SNX10: variants seen among roughly 807,000 people sequenced by gnomAD.
SNX10 encodes sorting nexin-10.
In SNX10, 25 loss-of-function variants were observed where a neutral mutation model predicts 28.5. The ratio of observed to expected loss-of-function variants is 0.88; its 90% CI spans 0.64 to 1.22. The LOEUF (loss-of-function observed/expected upper bound fraction) is 1.22, where lower values mean the gene tolerates loss of function less well. Ranked by LOEUF, SNX10 falls within the 50% of genes most tolerant of loss-of-function variation. The pLI, the probability that SNX10 is intolerant of heterozygous loss-of-function variation, is 0.00. For missense variants in SNX10, 223 were observed against 242.6 expected (o/e 0.92, Z 0.54); for synonymous variants, 62 against 81.4 (o/e 0.76, Z 1.28).
At chr7:26,363,052 T>C (rs1789142616) in intron 3 of SNX10, among the ~76,000 whole-genome samples, 1 of 152,190 alleles carries the variant, frequency 6.6e-6, no homozygotes, top group South Asian at 2.1e-4. Flanking sequence ...ACCGGGAAGA[T>C]AACCTGCTCA....
At chr7:26,297,868 T>C (rs1786173358) in intron 1 of SNX10, among the ~76,000 whole-genome samples, 1 of 152,130 alleles carries the variant, frequency 6.6e-6, no homozygotes, top group Non-Finnish European at 1.5e-5. Context: ...ATATATATTA[T>C]AGATATATAT....
At chr7:26,361,243 T>C (rs1789054689) in intron 3 of SNX10, among the ~76,000 whole-genome samples, 182 bp downstream of exon 3, 1 of 152,222 alleles carries the variant, frequency 6.6e-6, no homozygotes, top group Non-Finnish European at 1.5e-5. Context: ...AAATTACTTA[T>C]TTGAATCCCT....
chr7:26,346,578 G>T, intron 2 of SNX10, 112 bp downstream of exon 2: 5 of 819,738 alleles, frequency 6.1e-6, no homozygotes, highest in Admixed American at 1.7e-5. Context: ...TTTCATGAAA[G>T]ACCAAAGGCC....
At chr7:26,323,545 C>T (rs1584116517) in intron 1 of SNX10, among the ~76,000 whole-genome samples, 1 of 152,072 alleles carries the variant, frequency 6.6e-6, no homozygotes, top group African/African-American at 2.4e-5. Flanking sequence ...TGGAAGGAGG[C>T]ACCCAGGAGG....
chr7:26,372,409 TCTC>T (rs1423326513), intron 6 of SNX10, 79 bp from the exon 7 acceptor site: 6 of 868,234 alleles, frequency 6.9e-6, no homozygotes, highest in African/African-American at 5.0e-5. Flanking sequence ...TAATTAAAGT[TCTC>T]CTCTGTTACT....
intron 1 of SNX10, 180 bp downstream of exon 1, chr7:26,292,266 A>C (rs1384354274): frequency 6.6e-6 from 1 of 152,056 alleles, no homozygotes; most frequent in African/African-American, 2.4e-5. Context: ...TTTTCAGCCG[A>C]GGTGTGCCGG....
At chr7:26,359,042 G>T (rs1452140349) in intron 2 of SNX10, among the ~76,000 whole-genome samples, 2 of 151,920 alleles carry the variant, frequency 1.3e-5, no homozygotes, top group Non-Finnish European at 2.9e-5. Flanking sequence ...CCGACCTCTG[G>T]TGATCCACCC....
rs1187021201 is a variant in SNX10, at chr7:26,372,586, T to C, written c.*14T>C. 7.4e-6 allele frequency: 11 copies of C among 1,481,710 alleles called. No individual in the cohort carries two copies. Among genetic ancestry groups the C allele is most frequent in the Non-Finnish European group, 9.4e-6 (10 of 1,059,798 alleles). The allele number at this position is 1,481,710 out of a possible 1,614,324, so 91.8% of individuals were successfully genotyped here. A position where few individuals can be genotyped will look rare whatever the true frequency, so the allele number is the denominator to read the frequency against. On this transcript the variant is annotated 3_prime_UTR_variant, in exon 7 of 7. Coordinates refer to ENST00000338523, the MANE Select transcript of SNX10 (RefSeq NM_013322.3). ...CAGGAATCCTGAAAAATAATTCTAA[T>C]GTTACTATCTTAGGAATAGCAAATT...
chr7:26,341,349 G>T (rs1788169413), intron 1 of SNX10, among the ~76,000 whole-genome samples: 1 of 152,112 alleles, frequency 6.6e-6, no homozygotes, highest in Non-Finnish European at 1.5e-5. Context: ...TAAGAGAGAA[G>T]GAGAATGGGT....
rs1288791929 is a variant in SNX10 at position 26,333,369 on chromosome 7, G to A, written c.-23-13051G>A. On this transcript the variant is annotated intron_variant, in intron 1 of 6. Coordinates refer to ENST00000338523, the MANE Select transcript of SNX10 (RefSeq NM_013322.3). Reference sequence around the variant, plus strand: ...AGACAGAGTCTGGCTCTGTCGCCCAGGCTGGAGTGCAGTGGCGTGATCTCC... The same window carrying A: ...AGACAGAGTCTGGCTCTGTCGCCCAAGCTGGAGTGCAGTGGCGTGATCTCC... Among the ~76,000 whole-genome samples, 4 of 135,722 alleles carry A rather than the reference G, an allele frequency of 2.9e-5. No homozygotes were observed. In the South Asian group the frequency reaches 7.5e-4, roughly 25 times the overall value. The allele number at this position is 135,722 out of a possible 152,430, so 89.0% of individuals were successfully genotyped here.
chr7:26,358,052 G>A (rs769151129), intron 2 of SNX10, among the ~76,000 whole-genome samples: 5 of 152,144 alleles, frequency 3.3e-5, no homozygotes, highest in Admixed American at 6.6e-5. Flanking sequence ...GCACAGAAAC[G>A]TTTCAGGATG....
chr7:26,371,783 C>T (rs1241722758), intron 5 of SNX10, 38 bp from the exon 6 acceptor site: 1 of 1,431,948 alleles, frequency 7.0e-7, no homozygotes, highest in Admixed American at 1.8e-5. Flanking sequence ...ACTGACCATC[C>T]TGTTCACCAA....
chr7:26,330,835 C>G (rs991127130), intron 1 of SNX10, among the ~76,000 whole-genome samples: 1 of 151,994 alleles, frequency 6.6e-6, no homozygotes, highest in African/African-American at 2.4e-5. Context: ...GGCCGGGCAA[C>G]ATAGCAAGAC....
rs1789202141 is a variant in SNX10 at position 26,364,241 on chromosome 7, T to C, written c.112-294T>C. The C allele has an allele frequency of 4.2e-6, 3 of 717,194 alleles. No homozygotes were observed. Among genetic ancestry groups the C allele is most frequent in the Non-Finnish European group, 5.3e-6 (3 of 563,390 alleles). The allele number at this position is 717,194 out of a possible 1,614,324, so 44.4% of individuals were successfully genotyped here. ...GTTAGGATTTATTTTTTATGATTTATTCTTGAAAGCAGTGCTCATAGGTGA... is the reference window on the plus strand; with the variant it reads ...GTTAGGATTTATTTTTTATGATTTACTCTTGAAAGCAGTGCTCATAGGTGA... On this transcript the variant is annotated intron_variant, in intron 3 of 6. Coordinates refer to ENST00000338523, the MANE Select transcript of SNX10 (RefSeq NM_013322.3). This position sits in a 1 kb window ranked among gnomAD's most constrained non-coding sequence, Gnocchi z 4.9.
At chr7:26,305,260 A>T (rs1218042171) in intron 1 of SNX10, among the ~76,000 whole-genome samples, 1 of 151,738 alleles carries the variant, frequency 6.6e-6, no homozygotes, top group East Asian at 1.9e-4. Flanking sequence ...AACTATGGAT[A>T]CTCCCCAGTT....
At position 26,317,659 on chromosome 7, in the gene SNX10, CTTTTTTTTTTTTT is replaced by C. The variant is rs11310428; in HGVS notation, c.-24+25582_-24+25594del. Among the ~76,000 whole-genome samples, 3 of 106,220 alleles carry C rather than the reference CTTTTTTTTTTTTT, an allele frequency of 2.8e-5. No homozygotes were observed. In the South Asian group the frequency reaches 1.1e-3, roughly 38 times the overall value. 69.7% of individuals were successfully genotyped at this position (106,220 alleles called of 152,430 possible). A position where few individuals can be genotyped will look rare whatever the true frequency, so the allele number is the denominator to read the frequency against. ...ATATTTAATGGTGATCTTCTTTGAT[CTTTTTTTTTTTTT>C]TTTTTTTTGAGACAGAGTCTCACTC... On this transcript the variant is annotated intron_variant, in intron 1 of 6. Coordinates refer to ENST00000338523, the MANE Select transcript of SNX10 (RefSeq NM_013322.3).
chr7:26,371,133 G>A (rs945809175), intron 5 of SNX10, among the ~76,000 whole-genome samples: 4 of 152,046 alleles, frequency 2.6e-5, no homozygotes, highest in Admixed American at 6.6e-5. Flanking sequence ...TGTGGGAAGA[G>A]CAGTATGTAT....
chr7:26,350,590 T>C (rs1334064371), intron 2 of SNX10, among the ~76,000 whole-genome samples: 1 of 152,178 alleles, frequency 6.6e-6, no homozygotes, highest in Admixed American at 6.5e-5. Flanking sequence ...GGTACTTTGA[T>C]GGGAAGCAAC....
At chr7:26,295,692 C>G (rs187214406) in intron 1 of SNX10, among the ~76,000 whole-genome samples, 3 of 152,218 alleles carry the variant, frequency 2.0e-5, no homozygotes, top group African/African-American at 4.8e-5. Context: ...ACCCCCAGCT[C>G]TCTCACCAAG....
Sources: gnomAD v4.1 joint callset for allele counts (sites outside exome capture counted in the v4.1 genomes callset) on GRCh38, gnomAD v4.1.1 for gene constraint, Gnocchi (gnomAD v3.1) non-coding constraint, MANE v1.5 for transcripts, NCBI Gene and HGNC (gene_info 2026-07-23, HGNC 2026-07-21) for gene names.